The following EYS variants were observed in gnomAD, a reference collection of about 807,000 sequenced individuals.
EYS encodes the protein EGF-like photoreceptor maintenance factor, also known as protein eyes shut homolog.
A neutral mutation model predicts 282.1 loss-of-function variants in EYS; 250 were observed. The ratio of observed to expected loss-of-function variants is 0.89; its 90% CI spans 0.80 to 0.98. The LOEUF is 0.98. Ranked by LOEUF, EYS falls within the 50% of genes least tolerant of loss-of-function variation. The probability of loss-of-function intolerance (pLI) is 0.00; values close to 1 mark genes in which losing one functional copy is unlikely to be tolerated. For missense variants in EYS, 4,016 were observed against 3,709.0 expected (o/e 1.08, Z -2.15); for synonymous variants, 1,355 against 1,282.9 (o/e 1.06, Z -1.20).
At chr6:65,081,456 C>T (rs984469817) in intron 12 of EYS, among the ~76,000 whole-genome samples, 4 of 151,936 alleles carry the variant, frequency 2.6e-5, no homozygotes, top group Non-Finnish European at 4.4e-5. Context: ...AAATTTACAA[C>T]AAATACTTTG....
chr6:65,685,834 C>T (rs9453363), intron 1 of EYS, among the ~76,000 whole-genome samples: 33,206 of 151,902 alleles, frequency 0.22, 4,318 homozygotes, highest in African/African-American at 0.37. Context: ...GCAATATATT[C>T]TCATTAAAAT....
At chr6:65,649,000 G>A (rs1457845654) in intron 1 of EYS, among the ~76,000 whole-genome samples, 1 of 151,776 alleles carries the variant, frequency 6.6e-6, no homozygotes, top group Non-Finnish European at 1.5e-5. Flanking sequence ...CAAAAAATTA[G>A]CTGGGCATGG....
chr6:64,477,895 G>A (rs1345395690), intron 26 of EYS, among the ~76,000 whole-genome samples: 2 of 152,070 alleles, frequency 1.3e-5, no homozygotes, highest in Non-Finnish European at 2.9e-5. Flanking sequence ...CCTCCTATTT[G>A]TTGGCTCAAT....
At chr6:64,077,732 T>C (rs912942874) in intron 32 of EYS, among the ~76,000 whole-genome samples, 16 of 151,980 alleles carry the variant, frequency 1.1e-4, no homozygotes, top group African/African-American at 3.1e-4. Context: ...TGCATGGTAA[T>C]ATATCCCATG....
rs561856872 is a variant in EYS, at chr6:63,887,438, C to T, written c.7056-23080G>A. Among the ~76,000 whole-genome samples, 7 of 149,752 alleles carry T rather than the reference C, an allele frequency of 4.7e-5. No individual in the cohort carries two copies. The South Asian group carries it at 8.5e-4, about 18-fold the overall frequency. ...CAAAGCAGAAGGCCAGTGATTTCTG[C>T]ATTTCCAACTGAGGTAACCAGTTCA... On this transcript the variant is annotated intron_variant, in intron 35 of 42. Transcript: ENST00000503581.
At chr6:65,525,068 T>TTC (rs200412074) in intron 2 of EYS, among the ~76,000 whole-genome samples, 1 of 151,858 alleles carries the variant, frequency 6.6e-6, no homozygotes, top group African/African-American at 2.4e-5. Context: ...TTTTTTTTTT[T>TTC]CAATTTTACT....
chr6:65,669,287 T>C (rs1201470179), intron 1 of EYS, among the ~76,000 whole-genome samples: 2 of 151,940 alleles, frequency 1.3e-5, no homozygotes, highest in African/African-American at 2.4e-5. Context: ...GATATATTCA[T>C]GCTAAAAGGA....
At chr6:64,091,935 G>T (rs1772378251) in intron 31 of EYS, among the ~76,000 whole-genome samples, 1 of 152,012 alleles carries the variant, frequency 6.6e-6, no homozygotes, top group Non-Finnish European at 1.5e-5. Context: ...AGTGTGTGAT[G>T]CTCCCCTTCC....
At chr6:64,623,567 G>A (rs961339612) in intron 23 of EYS, among the ~76,000 whole-genome samples, 3 of 152,086 alleles carry the variant, frequency 2.0e-5, no homozygotes, top group Non-Finnish European at 4.4e-5. Context: ...ACATGCCAAA[G>A]AACTCACACA....
intron 35 of EYS, among the ~76,000 whole-genome samples, chr6:63,976,805 A>G (rs972407537): frequency 2.6e-5 from 4 of 152,038 alleles, no homozygotes; most frequent in Non-Finnish European, 5.9e-5. Context: ...AGAGAATTGT[A>G]GAGGGGAGTT....
intron 31 of EYS, among the ~76,000 whole-genome samples, chr6:64,165,702 C>T (rs1045801762): frequency 5.3e-5 from 8 of 152,116 alleles, no homozygotes; most frequent in African/African-American, 1.9e-4. Flanking sequence ...TCGTTTAATG[C>T]TTTAAAGATG....
intron 39 of EYS, among the ~76,000 whole-genome samples, chr6:63,780,809 A>C (rs938976340): frequency 6.6e-6 from 1 of 152,204 alleles, no homozygotes; most frequent in African/African-American, 2.4e-5. Flanking sequence ...TGTTTTAGAC[A>C]TGAAGTCCTT....
rs138749411 is a variant in EYS, at chr6:64,377,356, T to C, written c.6078+11334A>G. On this transcript the variant is annotated intron_variant, in intron 29 of 42. Transcript: ENST00000503581. ...AAACAGACATTGCATTAAAAGTCAC[T>C]CAAAGTAGACCCAAAACAATGGTTT... Among the ~76,000 whole-genome samples, 171 of 152,296 alleles carry C rather than the reference T, an allele frequency of 1.1e-3. 1 individual carries two copies. The highest frequency in any genetic ancestry group is 4.0e-3 in the African/African-American group (166 of 41,572).
At chr6:64,045,595 G>A (rs1277307437) in intron 33 of EYS, among the ~76,000 whole-genome samples, 5 of 150,908 alleles carry the variant, frequency 3.3e-5, no homozygotes, top group African/African-American at 4.9e-5. Context: ...ACAGGCACCC[G>A]CCACCAGGCT....
intron 35 of EYS, among the ~76,000 whole-genome samples, chr6:63,927,024 A>T (rs1764736122): frequency 6.6e-6 from 1 of 152,170 alleles, no homozygotes; most frequent in African/African-American, 2.4e-5. Flanking sequence ...GGGTGTCGTT[A>T]TGCTCATTTT....
chr6:65,191,670 C>A lies in EYS; in HGVS notation c.2023+104193G>T, dbSNP rs534064486. The stretch of plus-strand genomic sequence containing the variant: ...GGGAGAGAGAGAAAACTGTGACTTG[C>A]CAAAAGAAAATCAGCTTGTACATTA... On this transcript the variant is annotated intron_variant, in intron 12 of 42. Coordinates refer to ENST00000503581, the MANE Select transcript of EYS (RefSeq NM_001142800.2). 2.0e-5 allele frequency among the ~76,000 whole-genome samples: 3 copies of A among 151,868 alleles called. No individual in the cohort carries two copies. The South Asian group carries it at 6.2e-4, about 32-fold the overall frequency.
intron 12 of EYS, among the ~76,000 whole-genome samples, chr6:65,128,660 A>C (rs1259751809): frequency 6.6e-6 from 1 of 152,048 alleles, no homozygotes; most frequent in Admixed American, 6.6e-5. Flanking sequence ...AATACTCCTG[A>C]GAGATTACAC....
rs1359091325 is a variant in EYS at position 65,043,040 on chromosome 6, A to T, written c.2137+14574T>A. Among the ~76,000 whole-genome samples the T allele has an allele frequency of 2.6e-5, 4 of 151,480 alleles. No homozygotes were observed. The East Asian group carries it at 7.8e-4, about 29-fold the overall frequency. Reference sequence around the variant, plus strand: ...TCTATAGGACCGGGATGGCCTGAAAATCTAGATATCTTTTGATTTTATTCT... The same window carrying T: ...TCTATAGGACCGGGATGGCCTGAAATTCTAGATATCTTTTGATTTTATTCT... On this transcript the variant is annotated intron_variant, in intron 13 of 42. Transcript: ENST00000503581.
At chr6:65,533,096 T>C (rs192391017) in intron 2 of EYS, among the ~76,000 whole-genome samples, 156 of 151,830 alleles carry the variant, frequency 1.0e-3, no homozygotes, top group African/African-American at 3.7e-3. Flanking sequence ...TAAGCTCTAT[T>C]TGTGTGTAAT....
Sources: gnomAD v4.1 joint callset for allele counts (sites outside exome capture counted in the v4.1 genomes callset) on GRCh38, gnomAD v4.1.1 for gene constraint, MANE v1.5 for transcripts, NCBI Gene and HGNC (gene_info 2026-07-23, HGNC 2026-07-21) for gene names.